The following EYS variants were observed in gnomAD, a reference collection of about 807,000 sequenced individuals.
The protein encoded by EYS is protein eyes shut homolog.
In EYS, 250 loss-of-function variants were observed where a neutral mutation model predicts 282.1. The ratio of observed to expected loss-of-function variants is 0.89; its 90% CI spans 0.80 to 0.98. EYS has a LOEUF of 0.98. EYS is among the 50% of genes least tolerant of loss of function. EYS has a pLI of 0.00. For missense variants in EYS, 4,016 were observed against 3,709.0 expected, an observed-to-expected ratio of 1.08 and a Z score of -2.15; for synonymous variants, 1,355 against 1,282.9, an observed-to-expected ratio of 1.06 and a Z score of -1.20.
intron 2 of EYS, among the ~76,000 whole-genome samples, chr6:65,539,617 C>G (rs1037132660): frequency 2.6e-5 from 4 of 152,054 alleles, no homozygotes; most frequent in Non-Finnish European, 5.9e-5. Context: ...TTATATATAT[C>G]AAATATGTGT....
At chr6:65,225,425 A>G (rs754092828) in intron 12 of EYS, among the ~76,000 whole-genome samples, 35 of 151,982 alleles carry the variant, frequency 2.3e-4, no homozygotes, top group Admixed American at 4.6e-4. Flanking sequence ...TAGAAAACCA[A>G]TCCACATAGG....
rs12182832 is a variant in EYS at position 65,618,780 on chromosome 6, A to G, written c.-333+20998T>C. ...TTCAGCTTTCTACATATGGCTAGCC[A>G]GTTTCCCAGCACCATTTATTAAATA... is the stretch of plus-strand genomic sequence containing the variant. On this transcript the variant is annotated intron_variant, in intron 2 of 42. Transcript: ENST00000503581. Among the ~76,000 whole-genome samples the G allele has an allele frequency of 5.5e-4, 83 of 152,282 alleles. 1 individual carries two copies. Among genetic ancestry groups the G allele is most frequent in the African/African-American group, 1.9e-3 (78 of 41,554 alleles).
At chr6:65,348,714 T>A (rs939035877) in intron 9 of EYS, among the ~76,000 whole-genome samples, 1 of 151,698 alleles carries the variant, frequency 6.6e-6, no homozygotes, top group Non-Finnish European at 1.5e-5. Context: ...GCATTTTAAC[T>A]TGCTGTGAGC....
chr6:65,493,178 G>A (rs2127269094), intron 4 of EYS, among the ~76,000 whole-genome samples: 1 of 152,282 alleles, frequency 6.6e-6, no homozygotes, highest in African/African-American at 2.4e-5. Context: ...GCCTCCCAAA[G>A]TGCTGGGATT....
chr6:65,056,198 C>T (rs761234401), intron 13 of EYS, among the ~76,000 whole-genome samples: 4 of 151,976 alleles, frequency 2.6e-5, no homozygotes, highest in East Asian at 1.9e-4. Flanking sequence ...TCCATTGGCT[C>T]GCTTTGACTT....
At chr6:64,447,270 T>G (rs1775146891) in intron 26 of EYS, among the ~76,000 whole-genome samples, 1 of 152,116 alleles carries the variant, frequency 6.6e-6, no homozygotes, top group African/African-American at 2.4e-5. Context: ...ATTTAATACT[T>G]TAAATTTCTG....
At chr6:64,590,084 G>T in intron 26 of EYS, 139 bp downstream of exon 26, 1 of 669,996 alleles carries the variant, frequency 1.5e-6, no homozygotes, top group Non-Finnish European at 2.5e-6. Context: ...AACAGCAGGT[G>T]CCTTCTCAAT....
intron 5 of EYS, among the ~76,000 whole-genome samples, chr6:65,450,987 T>C (rs1004627162): frequency 6.6e-6 from 1 of 152,182 alleles, no homozygotes; most frequent in Admixed American, 6.6e-5. Context: ...GATACTGCTG[T>C]ATATACATGC....
chr6:65,631,007 T>G (rs1167401371), intron 2 of EYS, among the ~76,000 whole-genome samples: 1 of 152,220 alleles, frequency 6.6e-6, no homozygotes, highest in Admixed American at 6.5e-5. Flanking sequence ...TTGTAAATAT[T>G]TGACTGATGT....
intron 33 of EYS, among the ~76,000 whole-genome samples, chr6:64,053,704 A>C (rs1020571586): frequency 1.3e-5 from 2 of 152,168 alleles, no homozygotes; most frequent in Admixed American, 1.3e-4. Flanking sequence ...TTAATTAGTG[A>C]TAGCTATTTT....
intron 12 of EYS, among the ~76,000 whole-genome samples, chr6:65,078,950 G>T (rs1774141247): frequency 6.6e-6 from 1 of 151,544 alleles, no homozygotes; most frequent in Non-Finnish European, 1.5e-5. Flanking sequence ...GCAAGCTCCT[G>T]CTTCACCCCT....
intron 32 of EYS, among the ~76,000 whole-genome samples, chr6:64,069,517 C>T (rs1189641923): frequency 1.3e-5 from 2 of 150,502 alleles, no homozygotes; most frequent in Non-Finnish European, 3.0e-5. Context: ...TGTTTTTGTA[C>T]TCAAGCAATA....
chr6:64,082,765 G>A (rs1454622854), intron 31 of EYS, among the ~76,000 whole-genome samples: 1 of 151,824 alleles, frequency 6.6e-6, no homozygotes, highest in Non-Finnish European at 1.5e-5. Context: ...AAATCTTGGT[G>A]CACATAAAAT....
At chr6:65,180,826 C>A (rs1171453233) in intron 12 of EYS, among the ~76,000 whole-genome samples, 1 of 152,084 alleles carries the variant, frequency 6.6e-6, no homozygotes, top group Non-Finnish European at 1.5e-5. Flanking sequence ...GCTACAGTAA[C>A]CAAAACAGCA....
At position 64,591,048 on chromosome 6, in the gene EYS, A is replaced by G. The variant is rs1336271716; in HGVS notation, c.4819T>C (p.Ser1607Pro). ...YALMGAQTIT[S>P]GHSFSSATEI... Reference sequence around the variant, plus strand: ...GTAGCAGAAGAAAATGAATGCCCAGAAGTGATAGTTTGAGCTCCCATTAGT... The same window carrying G: ...GTAGCAGAAGAAAATGAATGCCCAGGAGTGATAGTTTGAGCTCCCATTAGT... The change falls in exon 26 of 43, where the codon TCT (serine) becomes CCT (proline). Residue 1607 changes from serine (S) to proline (P), a missense_variant. Ser to Pro is a moderately conservative substitution (Grantham distance 74). Coordinates refer to ENST00000503581, the MANE Select transcript of EYS (RefSeq NM_001142800.2). 25 of 1,551,362 alleles carry G rather than the reference A, an allele frequency of 1.6e-5. No homozygotes were observed. Among genetic ancestry groups the G allele is most frequent in the Non-Finnish European group, 2.2e-5 (25 of 1,146,794 alleles).
intron 19 of EYS, among the ~76,000 whole-genome samples, chr6:64,882,624 TATCA>T (rs575129523): frequency 1.4e-3 from 209 of 151,908 alleles, no homozygotes; most frequent in African/African-American, 3.2e-3. Context: ...GACTTATAGT[TATCA>T]ATCAAACAAA....
intron 36 of EYS, among the ~76,000 whole-genome samples, chr6:63,823,107 A>G (rs1173057601): frequency 1.3e-5 from 2 of 152,160 alleles, no homozygotes; most frequent in Admixed American, 6.5e-5. Flanking sequence ...TAACCTTGGT[A>G]TTCTTAGAAC....
At chr6:64,431,523 C>T (rs558831193) in intron 28 of EYS, among the ~76,000 whole-genome samples, 1 of 152,250 alleles carries the variant, frequency 6.6e-6, no homozygotes, top group South Asian at 2.1e-4. Context: ...GGGAAACGAG[C>T]TGTAGAGCGG....
chr6:64,039,632 T>C (rs761366276), intron 33 of EYS, among the ~76,000 whole-genome samples: 25 of 152,166 alleles, frequency 1.6e-4, no homozygotes, highest in Admixed American at 3.3e-4. Context: ...TTAAAATTTA[T>C]TTAAATGGGA....
Sources: allele counts gnomAD v4.1 joint callset (sites outside exome capture counted in the v4.1 genomes callset), GRCh38; gene constraint gnomAD v4.1.1; transcripts MANE v1.5; gene names NCBI Gene and HGNC (gene_info 2026-07-23, HGNC 2026-07-21).